The following NCOA2 variants were observed in gnomAD, a reference collection of about 807,000 sequenced individuals.
The protein encoded by NCOA2 is nuclear receptor coactivator 2.
NCOA2 carries 21 observed loss-of-function variants against 145.1 expected under a neutral mutation model. The ratio of observed to expected loss-of-function variants is 0.14; its 90% CI spans 0.10 to 0.21. The LOEUF is 0.21. Among genes scored for constraint, NCOA2 ranks in the 10% least tolerant of loss-of-function variants. NCOA2 has a pLI of 1.00. For missense variants in NCOA2, 1,472 were observed against 1,837.6 expected (o/e 0.80, Z 3.64); for synonymous variants, 619 against 637.5 (o/e 0.97, Z 0.44).
chr8:70,280,278 A>G (rs2135456549), intron 2 of NCOA2, among the ~76,000 whole-genome samples: 1 of 152,300 alleles, frequency 6.6e-6, no homozygotes, highest in African/African-American at 2.4e-5. Flanking sequence ...GTAGAATCCT[A>G]AGACCCTGGG....
chr8:70,372,961 C>T (rs967762195), intron 1 of NCOA2, among the ~76,000 whole-genome samples: 1 of 152,104 alleles, frequency 6.6e-6, no homozygotes, highest in Admixed American at 6.5e-5. Context: ...TTTTTTATTG[C>T]TAAATAGTAT....
chr8:70,299,038 C>T (rs556108706), intron 1 of NCOA2, among the ~76,000 whole-genome samples: 17 of 151,534 alleles, frequency 1.1e-4, no homozygotes, highest in African/African-American at 3.6e-4. Flanking sequence ...CCAGCCTGGG[C>T]GACAGAGGGA....
chr8:70,423,662 G>A, the NCOA2 span, among the ~76,000 whole-genome samples: 26 of 152,270 alleles, frequency 1.7e-4, 1 homozygote, highest in African/African-American at 6.3e-4. Context: ...TCCACACAAG[G>A]CCTTCTGTAA....
At chr8:70,312,580 T>G (rs1348994764) in intron 1 of NCOA2, among the ~76,000 whole-genome samples, 1 of 151,790 alleles carries the variant, frequency 6.6e-6, no homozygotes, top group East Asian at 1.9e-4. Flanking sequence ...AAAATCATCT[T>G]GGAAAACACT....
At chr8:70,332,951 G>A (rs1218342077) in intron 1 of NCOA2, among the ~76,000 whole-genome samples, 1 of 152,178 alleles carries the variant, frequency 6.6e-6, no homozygotes, top group Non-Finnish European at 1.5e-5. Context: ...ACAGTTACCA[G>A]ATTAGGCCTG....
the NCOA2 span, among the ~76,000 whole-genome samples, chr8:70,421,933 A>G: frequency 6.6e-6 from 1 of 151,978 alleles, no homozygotes; most frequent in Non-Finnish European, 1.5e-5. Flanking sequence ...CATCTCTACT[A>G]AAAATACAAA....
chr8:70,243,385 T>G (rs1416671647), intron 2 of NCOA2, among the ~76,000 whole-genome samples: 2 of 152,090 alleles, frequency 1.3e-5, no homozygotes, highest in African/African-American at 4.8e-5. Flanking sequence ...TAAATTCCTA[T>G]AAGATACAGG....
intron 11 of NCOA2, among the ~76,000 whole-genome samples, chr8:70,153,391 C>G (rs1047552043): frequency 7.2e-5 from 11 of 152,172 alleles, no homozygotes; most frequent in African/African-American, 2.4e-4. Flanking sequence ...CCTGAAACTG[C>G]AAGTGACTCA....
chr8:70,295,792 A>T (rs574579685), intron 2 of NCOA2, among the ~76,000 whole-genome samples: 2 of 152,140 alleles, frequency 1.3e-5, no homozygotes, highest in South Asian at 4.2e-4. Context: ...AAATACAAAA[A>T]AAATTAGTGG....
chr8:70,139,498 A>G (rs1282810936), intron 14 of NCOA2, among the ~76,000 whole-genome samples: 1 of 152,214 alleles, frequency 6.6e-6, no homozygotes, highest in Non-Finnish European at 1.5e-5. Flanking sequence ...ATCACTCATT[A>G]AGTACATTCA....
intron 2 of NCOA2, among the ~76,000 whole-genome samples, chr8:70,221,116 C>A (rs186467612): frequency 6.6e-6 from 1 of 152,084 alleles, no homozygotes; most frequent in Non-Finnish European, 1.5e-5. Context: ...TAGAGATTTC[C>A]GAGGTTCCTT....
Position 70,374,796 on chromosome 8 carries a change from T to TA in NCOA2, c.-77+28903dup, listed in dbSNP as rs543953209. On this transcript the variant is annotated intron_variant, in intron 1 of 22. Coordinates refer to ENST00000452400, the MANE Select transcript of NCOA2 (RefSeq NM_006540.4). Reference sequence around the variant, plus strand: ...TAGACAGAGAAAGATGCTGTCTCTTTAAAAAAAAAAAAAAAGAAAGAAAAG... The same window carrying TA: ...TAGACAGAGAAAGATGCTGTCTCTTTAAAAAAAAAAAAAAAAGAAAGAAAAG... Among the ~76,000 whole-genome samples, 763 of 133,242 alleles carry TA rather than the reference T, an allele frequency of 5.7e-3. 1 individual carries two copies. Among genetic ancestry groups the TA allele is most frequent in the African/African-American group, 0.013 (464 of 36,402 alleles). 87.4% of individuals were successfully genotyped at this position (133,242 alleles called of 152,430 possible).
At chr8:70,131,789 G>A (rs1809138016) in intron 16 of NCOA2, 48 bp downstream of exon 16, 1 of 1,548,778 alleles carries the variant, frequency 6.5e-7, no homozygotes, top group Admixed American at 2.0e-5. Flanking sequence ...GGACACCTCT[G>A]CGCCCATGAG....
chr8:70,380,599 C>T (rs993996997), intron 1 of NCOA2, among the ~76,000 whole-genome samples: 3 of 152,144 alleles, frequency 2.0e-5, no homozygotes, highest in African/African-American at 7.2e-5. Context: ...TAATGTTTCT[C>T]TCCCCTAGAC....
rs1233809606 is a variant in NCOA2 at position 70,335,149 on chromosome 8, AAAAAG to A, written c.-76-38354_-76-38350del. ...AAAAAAAAAAAAAAAAAAAAAAAAA[AAAAAG>A]ATCTCTCCCTATGACCATTTTCTCA... is the stretch of plus-strand genomic sequence containing the variant. On this transcript the variant is annotated intron_variant, in intron 1 of 22. Coordinates refer to ENST00000452400, the MANE Select transcript of NCOA2 (RefSeq NM_006540.4). 4.7e-5 allele frequency among the ~76,000 whole-genome samples: 7 copies of A among 149,966 alleles called. No homozygotes were observed. The East Asian group carries it at 5.9e-4, about 13-fold the overall frequency.
At chr8:70,387,414 AAC>A (rs1424044296) in intron 1 of NCOA2, among the ~76,000 whole-genome samples, 2 of 152,236 alleles carry the variant, frequency 1.3e-5, no homozygotes, top group Non-Finnish European at 2.9e-5. Context: ...TAAACTAAAG[AAC>A]ATCTGGTCAT....
In NCOA2 at chr8:70,110,964, AATTT is replaced by A. The variant is rs1018813867; in HGVS notation, c.*2664_*2667del. The A allele has an allele frequency of 1.1e-4, 25 of 222,876 alleles. No individual in the cohort carries two copies. In the Admixed American group the frequency reaches 1.2e-3, roughly 11 times the overall value. The allele number at this position is 222,876 out of a possible 1,614,324, so 13.8% of individuals were successfully genotyped here. A position where few individuals can be genotyped will look rare whatever the true frequency, so the allele number is the denominator to read the frequency against. On this transcript the variant is annotated 3_prime_UTR_variant, in exon 23 of 23. Transcript: ENST00000452400. ...CAAAAACCAAGTACTCAGTCTAACA[AATTT>A]ATTGTGTACAGCATGAGAAATACTG... is the stretch of plus-strand genomic sequence containing the variant.
chr8:70,322,129 A>T (rs1011481183), intron 1 of NCOA2, among the ~76,000 whole-genome samples: 5 of 152,054 alleles, frequency 3.3e-5, no homozygotes, highest in Admixed American at 3.3e-4. Context: ...AGGGGGAAAA[A>T]AAAACCTGTC....
intron 1 of NCOA2, among the ~76,000 whole-genome samples, chr8:70,330,442 A>G (rs1806993894): frequency 1.3e-5 from 2 of 151,860 alleles, no homozygotes; most frequent in African/African-American, 2.4e-5. Flanking sequence ...ATGGTGGCAC[A>G]CACCTGCAGT....
Sources: allele counts gnomAD v4.1 joint callset (sites outside exome capture counted in the v4.1 genomes callset), GRCh38; gene constraint gnomAD v4.1.1; transcripts MANE v1.5; gene names NCBI Gene and HGNC (gene_info 2026-07-23, HGNC 2026-07-21).